The following TGS1 variants were observed in gnomAD, a reference collection of about 807,000 sequenced individuals.
The protein encoded by TGS1 is trimethylguanosine synthase 1.
In TGS1, 69 loss-of-function variants were observed where a neutral mutation model predicts 92.2. That is an observed-to-expected ratio of 0.75 (90% CI 0.62 to 0.91). TGS1 has a LOEUF of 0.91. Among genes scored for constraint, TGS1 ranks in the 40% least tolerant of loss-of-function variants. The pLI is 0.00. For missense variants in TGS1, 1,062 were observed against 1,001.2 expected (o/e 1.06, Z -0.82); for synonymous variants, 345 against 338.1 (o/e 1.02, Z -0.22).
chr8:55,802,688 TGTTC>T, intron 9 of TGS1, 82 bp downstream of exon 9: 1 of 1,340,892 alleles, frequency 7.5e-7, no homozygotes, highest in Non-Finnish European at 1.0e-6. Flanking sequence ...ATACAGGGAA[TGTTC>T]ATATCCCCTT....
intron 1 of TGS1, among the ~76,000 whole-genome samples, chr8:55,777,197 A>G (rs1190305924): frequency 6.6e-6 from 1 of 151,620 alleles, no homozygotes; most frequent in East Asian, 1.9e-4. Context: ...TTGTAGAGAC[A>G]GGGATCTCAC....
chr8:55,820,174 A>C (rs1486734498), intron 12 of TGS1, among the ~76,000 whole-genome samples: 1 of 152,132 alleles, frequency 6.6e-6, no homozygotes, highest in African/African-American at 2.4e-5. Flanking sequence ...CTATTCTTCC[A>C]GTAGGATGCA....
At chr8:55,807,919 A>G (rs2130212883) in intron 10 of TGS1, among the ~76,000 whole-genome samples, 1 of 152,338 alleles carries the variant, frequency 6.6e-6, no homozygotes, top group African/African-American at 2.4e-5. Context: ...TTTCATTTCA[A>G]CAGATTTCTA....
rs117795556 is a variant in TGS1 at position 55,792,106 on chromosome 8, G to A, written c.1281-592G>A. ...CAAAGATCATGTGTGTTCAATGAGC[G>A]TAACTTATTTTGAAGGACAAACTTT... On this transcript the variant is annotated intron_variant, in intron 5 of 12. Coordinates refer to ENST00000260129, the MANE Select transcript of TGS1 (RefSeq NM_024831.8). 5.4e-3 allele frequency among the ~76,000 whole-genome samples: 828 copies of A among 152,312 alleles called. 8 individuals are homozygous for A. Among genetic ancestry groups the A allele is most frequent in the Middle Eastern group, 0.01 (3 of 294 alleles).
intron 8 of TGS1, 68 bp downstream of exon 8, chr8:55,799,288 C>A: frequency 1.4e-6 from 2 of 1,420,850 alleles, no homozygotes; most frequent in Non-Finnish European, 1.9e-6. Context: ...TATGTTTTTT[C>A]TTAGTTTTCA....
chr8:55,810,923 G>A lies in TGS1; in HGVS notation c.2186G>A (p.Arg729His), dbSNP rs753214851. Residue 729 changes from arginine (R) to histidine (H), a missense_variant, in exon 11 of 13, where the codon CGC (arginine) becomes CAC (histidine). Coordinates refer to ENST00000260129, the MANE Select transcript of TGS1 (RefSeq NM_024831.8). Reference protein sequence around the residue: ...DIDPVKIALARNNAEVYGIAD... With the variant: ...DIDPVKIALAHNNAEVYGIAD... ...GATCCTGTTAAGATTGCCCTTGCTC[G>A]CAATAATGCAGAAGTTTATGGGATA... The A allele has an allele frequency of 4.3e-6, 7 of 1,614,030 alleles. No homozygotes were observed. Among genetic ancestry groups the A allele is most frequent in the South Asian group, 1.1e-5 (1 of 91,082 alleles).
chr8:55,793,646 C>T (rs1032720748), intron 6 of TGS1, among the ~76,000 whole-genome samples: 13 of 152,104 alleles, frequency 8.5e-5, no homozygotes, highest in South Asian at 2.1e-4. Context: ...CGGCCCACTG[C>T]GACATCCGCC....
At chr8:55,813,995 T>C (rs1167490062) in intron 12 of TGS1, among the ~76,000 whole-genome samples, 1 of 152,216 alleles carries the variant, frequency 6.6e-6, no homozygotes, top group East Asian at 1.9e-4. Flanking sequence ...TCACCCAGGC[T>C]GGAGTGCAAT....
Position 55,795,971 on chromosome 8 carries a change from G to A in TGS1, c.1368-7G>A. On this transcript the variant is annotated splice_polypyrimidine_tract_variant and splice_region_variant and intron_variant, in intron 6 of 12. Coordinates refer to ENST00000260129, the MANE Select transcript of TGS1 (RefSeq NM_024831.8). ...AGTTGTGAATAACTTCTTTTGATCT[G>A]TCACAGATATGGTGGAATCCCAAAT... 6.4e-7 allele frequency: 1 copy of A among 1,565,452 alleles called. No individual in the cohort carries two copies.
At chr8:55,813,718 A>G (rs12678930) in intron 12 of TGS1, among the ~76,000 whole-genome samples, 71,280 of 151,806 alleles carry the variant, frequency 0.47, 17,021 homozygotes, top group East Asian at 0.59. Flanking sequence ...CTATGTTCTC[A>G]TTGTCTTTTT....
At chr8:55,799,842 G>A (rs538657666) in intron 8 of TGS1, among the ~76,000 whole-genome samples, 138 of 152,278 alleles carry the variant, frequency 9.1e-4, no homozygotes, top group African/African-American at 3.2e-3. Context: ...CCAAAGTGCT[G>A]GGATTACAGA....
In TGS1 at chr8:55,810,916, C is replaced by G. The variant is rs565030479; in HGVS notation, c.2179C>G (p.Leu727Val). 5 of 1,614,114 alleles carry G rather than the reference C, an allele frequency of 3.1e-6. No homozygotes were observed. The East Asian group carries it at 1.1e-4, about 36-fold the overall frequency. The stretch of plus-strand genomic sequence containing the variant: ...TGATATCGATCCTGTTAAGATTGCC[C>G]TTGCTCGCAATAATGCAGAAGTTTA... Reference protein sequence around the residue: ...AIDIDPVKIALARNNAEVYGI... With the variant: ...AIDIDPVKIAVARNNAEVYGI... The change falls in exon 11 of 13, where the codon CTT becomes GTT. Residue 727 changes from leucine to valine, a missense_variant. Leu to Val is a conservative substitution (Grantham distance 32). Transcript: ENST00000260129.
rs188303075 is a variant in TGS1 at position 55,773,496 on chromosome 8, C to G, written c.-123C>G. On this transcript the variant is annotated 5_prime_UTR_variant, in exon 1 of 13. Coordinates refer to ENST00000260129, the MANE Select transcript of TGS1 (RefSeq NM_024831.8). ...GTTCCCGGCGCGAGCGGCCGCGGGC[C>G]AGTTTCTATCTCCTCATCCAGGGCT... is the stretch of plus-strand genomic sequence containing the variant. 3.1e-3 allele frequency: 2,018 copies of G among 660,164 alleles called. 6 individuals carry two copies. The highest frequency in any genetic ancestry group is 3.9e-3 in the Middle Eastern group (9 of 2,300). 40.9% of individuals were successfully genotyped at this position (660,164 alleles called of 1,614,324 possible).
intron 11 of TGS1, among the ~76,000 whole-genome samples, chr8:55,812,206 G>C (rs1803358208): frequency 6.6e-6 from 1 of 151,984 alleles, no homozygotes; most frequent in South Asian, 2.1e-4. Flanking sequence ...CTCTTAACAG[G>C]AAAGATATTT....
At chr8:55,809,745 T>C (rs1803289934) in intron 10 of TGS1, among the ~76,000 whole-genome samples, 2 of 152,356 alleles carry the variant, frequency 1.3e-5, no homozygotes, top group South Asian at 4.1e-4. Flanking sequence ...AGCATTTCTT[T>C]TATGTGATAG....
rs1455307766 is a variant in TGS1 at position 55,825,245 on chromosome 8, C to G, written c.*542C>G. On this transcript the variant is annotated 3_prime_UTR_variant, in exon 13 of 13. Coordinates refer to ENST00000260129, the MANE Select transcript of TGS1 (RefSeq NM_024831.8). Reference sequence around the variant, plus strand: ...CCTTACGGACATCCTTTTGAATTATCTTTTTCACTCATAGAATATGAATAC... The same window carrying G: ...CCTTACGGACATCCTTTTGAATTATGTTTTTCACTCATAGAATATGAATAC... 6.6e-6 allele frequency: 1 copy of G among 152,136 alleles called. No homozygotes were observed. The highest frequency in any genetic ancestry group is 1.5e-5 in the Non-Finnish European group (1 of 68,044). 9.4% of individuals were successfully genotyped at this position (152,136 alleles called of 1,614,324 possible).
At position 55,786,521 on chromosome 8, in the gene TGS1, G is replaced by C. The variant is rs1563452939; in HGVS notation, c.623G>C (p.Gly208Ala). ...WEKYWNEYGGGLLWQSWQEKH... is the reference protein window; with the variant it reads ...WEKYWNEYGGALLWQSWQEKH... Reference sequence around the variant, plus strand: ...AAGTATTGGAATGAATATGGAGGAGGACTATTGTGGCAAAGTTGGCAAGAA... The same window carrying C: ...AAGTATTGGAATGAATATGGAGGAGCACTATTGTGGCAAAGTTGGCAAGAA... The change falls in exon 4 of 13, where the codon GGA becomes GCA. Residue 208 changes from glycine (G) to alanine (A), a missense_variant. By Grantham distance (60) the Gly-to-Ala change is moderately conservative. Coordinates refer to ENST00000260129, the MANE Select transcript of TGS1 (RefSeq NM_024831.8). The C allele has an allele frequency of 6.2e-7, 1 of 1,614,152 alleles. No individual in the cohort carries two copies. The highest frequency in any genetic ancestry group is 8.5e-7 in the Non-Finnish European group (1 of 1,180,018).
chr8:55,813,354 C>T (rs188855476), intron 12 of TGS1, among the ~76,000 whole-genome samples: 1 of 152,178 alleles, frequency 6.6e-6, no homozygotes, highest in Non-Finnish European at 1.5e-5. Flanking sequence ...TTTGACTAGA[C>T]ATATTGAAAG....
At chr8:55,818,199 AT>A (rs367848057) in intron 12 of TGS1, among the ~76,000 whole-genome samples, 3 of 150,510 alleles carry the variant, frequency 2.0e-5, no homozygotes, top group Non-Finnish European at 3.0e-5. Context: ...CTGGTTACCA[AT>A]TTTTTTTTTG....
Sources: gnomAD v4.1 joint callset for allele counts (sites outside exome capture counted in the v4.1 genomes callset) on GRCh38, gnomAD v4.1.1 for gene constraint, MANE v1.5 for transcripts, NCBI Gene and HGNC (gene_info 2026-07-23, HGNC 2026-07-21) for gene names.